SCAF11: variants seen among roughly 807,000 people sequenced by gnomAD.
The protein encoded by SCAF11 is protein SCAF11.
A neutral mutation model predicts 140.5 loss-of-function variants in SCAF11; 47 were observed. The ratio of observed to expected loss-of-function variants is 0.33; its 90% CI spans 0.26 to 0.43. The LOEUF is 0.43. Among genes scored for constraint, SCAF11 ranks in the 20% least tolerant of loss-of-function variants. The pLI, the probability that SCAF11 is intolerant of heterozygous loss-of-function variation, is 1.00. For missense variants in SCAF11, 1,645 were observed against 1,705.1 expected (o/e 0.96, Z 0.62); for synonymous variants, 557 against 579.4 (o/e 0.96, Z 0.55).
At chr12:45,985,767 T>C (rs962863065) in intron 1 of SCAF11, among the ~76,000 whole-genome samples, 3 of 152,250 alleles carry the variant, frequency 2.0e-5, no homozygotes, top group African/African-American at 7.2e-5. Flanking sequence ...CTCAATACTT[T>C]TAGATCTAGT....
chr12:45,945,459 G>A, intron 5 of SCAF11, 146 bp from the exon 6 acceptor site: 2 of 575,664 alleles, frequency 3.5e-6, no homozygotes, highest in Non-Finnish European at 6.1e-6. Context: ...ATGGTTTAAG[G>A]ATATTCTCAC....
chr12:45,925,829 A>G (rs1030104363), intron 11 of SCAF11, among the ~76,000 whole-genome samples: 2 of 152,186 alleles, frequency 1.3e-5, no homozygotes, highest in African/African-American at 4.8e-5. Context: ...TTAAAAGTGT[A>G]CATATCTGAA....
At chr12:45,954,118 T>A (rs1232886460) in intron 3 of SCAF11, among the ~76,000 whole-genome samples, 3 of 152,384 alleles carry the variant, frequency 2.0e-5, no homozygotes, top group East Asian at 3.9e-4. Context: ...GAAATTTGTA[T>A]CAGATGCATC....
Position 45,948,139 on chromosome 12 carries a change from C to T in SCAF11, c.398+298G>A, listed in dbSNP as rs182516706. 1.4e-3 allele frequency among the ~76,000 whole-genome samples: 216 copies of T among 152,056 alleles called. 1 individual carries two copies. The highest frequency in any genetic ancestry group is 2.7e-3 in the Non-Finnish European group (181 of 67,980). On this transcript the variant is annotated intron_variant, in intron 5 of 14. Coordinates refer to ENST00000369367, the MANE Select transcript of SCAF11 (RefSeq NM_004719.3). ...GGGGAGGACGGTCCTCACTATGTTC[C>T]CCAGGCTGGTACCAAACTCCTGGTC... is the stretch of plus-strand genomic sequence containing the variant.
rs895058533 is a variant in SCAF11, at chr12:45,943,088, G to A, written c.463+2161C>T. Among the ~76,000 whole-genome samples, 38 of 152,250 alleles carry A rather than the reference G, an allele frequency of 2.5e-4. 1 individual carries two copies. Among genetic ancestry groups the A allele is most frequent in the African/African-American group, 8.7e-4 (36 of 41,546 alleles). ...CAAATGTAATATCTAAATATAAGCT[G>A]CTTCATCCAATAAATAATCTATTTC... is the stretch of plus-strand genomic sequence containing the variant. On this transcript the variant is annotated intron_variant, in intron 6 of 14. Transcript: ENST00000369367.
chr12:45,982,046 ATAT>A (rs1946361942), intron 1 of SCAF11, among the ~76,000 whole-genome samples: 1 of 152,216 alleles, frequency 6.6e-6, no homozygotes, highest in East Asian at 1.9e-4. Flanking sequence ...AATATGAACT[ATAT>A]TTTAAACCTT....
intron 6 of SCAF11, among the ~76,000 whole-genome samples, chr12:45,939,558 C>T (rs1356939360): frequency 1.3e-5 from 2 of 152,088 alleles, no homozygotes; most frequent in African/African-American, 4.8e-5. Flanking sequence ...AGTAGCTGGG[C>T]ATGGTGGCGC....
chr12:45,927,134 G>A lies in SCAF11; in HGVS notation c.2567C>T (p.Ala856Val), dbSNP rs371070696. ...SRSQSPKKDI[A>V]RERRQSQSRS... ...AGACTGAGATTGCCTCCTTTCTCTT[G>A]CAATATCCTTTTTTGGGGACTGAGA... Residue 856 changes from alanine to valine, a missense_variant, in exon 11 of 15, where the codon GCA becomes GTA. By Grantham distance (64) the Ala-to-Val change is moderately conservative. Transcript: ENST00000369367. 1 of 1,614,068 alleles carries A rather than the reference G, an allele frequency of 6.2e-7. No individual in the cohort carries two copies. The highest frequency in any genetic ancestry group is 1.1e-5 in the South Asian group (1 of 91,072).
At chr12:45,972,932 A>T (rs1339666995) in intron 1 of SCAF11, among the ~76,000 whole-genome samples, 2 of 25,722 alleles carry the variant, frequency 7.8e-5, no homozygotes, top group Non-Finnish European at 2.0e-4. Flanking sequence ...ATATATAGAT[A>T]TATATAGATA....
Position 45,945,276 on chromosome 12 carries a change from T to C in SCAF11, c.436A>G (p.Lys146Glu). The C allele has an allele frequency of 6.3e-7, 1 of 1,584,786 alleles. No homozygotes were observed. Among genetic ancestry groups the C allele is most frequent in the Non-Finnish European group, 8.6e-7 (1 of 1,165,858 alleles). Residue 146 changes from lysine to glutamate, a missense_variant, in exon 6 of 15, where the codon AAA becomes GAA. Physicochemically the swap from Lys to Glu is moderately conservative, Grantham distance 56. Around this residue, in one of 2 missense-constraint regions of SCAF11, gnomAD observed 1,582 missense variants for 1,609.2 expected, o/e 0.98. Transcript: ENST00000369367. ...TGTATCCACTTCAAGTCACAAACTTTTGCACTTAATAGATCTTCTCTTACG... is the reference window on the plus strand; with the variant it reads ...TGTATCCACTTCAAGTCACAAACTTCTGCACTTAATAGATCTTCTCTTACG... ...AIVREDLLSA[K>E]VCDLKWIHRN...
intron 1 of SCAF11, among the ~76,000 whole-genome samples, chr12:45,964,449 C>CAAGTTGAAA (rs1592209030): frequency 6.6e-6 from 1 of 152,136 alleles, no homozygotes; most frequent in Non-Finnish European, 1.5e-5. Context: ...GGGCGGATCA[C>CAAGTTGAAA]AAGTTCAGGA....
At position 45,919,309 on chromosome 12, in the gene SCAF11, ACT is replaced by A. The variant is rs1944652118; in HGVS notation, c.*2737_*2738del. On this transcript the variant is annotated 3_prime_UTR_variant, in exon 15 of 15. Transcript: ENST00000369367. ...TGGATGGAACATTCCAGCAGTACAC[ACT>A]GTGGCCATTTAAAGGAAGGTAAGAG... 1 of 152,558 alleles carries A rather than the reference ACT, an allele frequency of 6.6e-6. No individual in the cohort carries two copies. The highest frequency in any genetic ancestry group is 2.4e-5 in the African/African-American group (1 of 41,568). The allele number at this position is 152,558 out of a possible 1,614,324, so 9.5% of individuals were successfully genotyped here. A position where few individuals can be genotyped will look rare whatever the true frequency, so the allele number is the denominator to read the frequency against.
At chr12:45,976,826 A>C (rs2136653602) in intron 1 of SCAF11, among the ~76,000 whole-genome samples, 1 of 152,218 alleles carries the variant, frequency 6.6e-6, no homozygotes, top group Admixed American at 6.5e-5. Flanking sequence ...AACTGGCAGA[A>C]GGAAGAAAAT....
intron 6 of SCAF11, among the ~76,000 whole-genome samples, chr12:45,944,799 A>T (rs1363066117): frequency 3.9e-5 from 6 of 152,190 alleles, no homozygotes; most frequent in Non-Finnish European, 8.8e-5. Flanking sequence ...TTATTTCTAA[A>T]GTTTCAAATT....
At chr12:45,940,941 ACTACAG>A (rs1222369948) in intron 6 of SCAF11, among the ~76,000 whole-genome samples, 3 of 152,122 alleles carry the variant, frequency 2.0e-5, no homozygotes, top group Non-Finnish European at 4.4e-5. Flanking sequence ...AGTAGCTGGG[ACTACAG>A]GTGTGTATCA....
chr12:45,972,881 GAT>G (rs1272321485), intron 1 of SCAF11, among the ~76,000 whole-genome samples: 271 of 18,946 alleles, frequency 0.014, 10 homozygotes, highest in African/African-American at 0.039. Flanking sequence ...TATATATATA[GAT>G]ATATATATAG....
intron 9 of SCAF11, among the ~76,000 whole-genome samples, chr12:45,932,115 G>A (rs1385217819): frequency 6.6e-6 from 1 of 151,990 alleles, no homozygotes; most frequent in Admixed American, 6.6e-5. Flanking sequence ...CCTAGAAAGT[G>A]TCCTCACACT....
chr12:45,969,505 A>G (rs1362068249), intron 1 of SCAF11, among the ~76,000 whole-genome samples: 3 of 152,200 alleles, frequency 2.0e-5, no homozygotes, highest in Non-Finnish European at 4.4e-5. Flanking sequence ...CAAACTTTAG[A>G]ATCCAACAGG....
chr12:45,990,355 C>G lies in SCAF11; in HGVS notation c.-24G>C, dbSNP rs1946567837. 1.6e-6 allele frequency: 2 copies of G among 1,232,166 alleles called. No individual in the cohort carries two copies. Among genetic ancestry groups the G allele is most frequent in the East Asian group, 6.3e-5 (2 of 31,694 alleles). The allele number at this position is 1,232,166 out of a possible 1,614,324, so 76.3% of individuals were successfully genotyped here. ...CCCGCGGGTCGACCAGTGTTTACCT[C>G]AGACCGAGGTCGAGGCGCTCGGTCC... On this transcript the variant is annotated splice_region_variant and 5_prime_UTR_variant, in exon 1 of 15. Coordinates refer to ENST00000369367, the MANE Select transcript of SCAF11 (RefSeq NM_004719.3).
Sources: allele counts gnomAD v4.1 joint callset (sites outside exome capture counted in the v4.1 genomes callset), GRCh38; gene constraint gnomAD v4.1.1; regional missense constraint gnomAD v4.1.1; transcripts MANE v1.5; gene names NCBI Gene and HGNC (gene_info 2026-07-23, HGNC 2026-07-21).